Variants in MLLT3 observed in about 807,000 individuals in gnomAD.
The protein encoded by MLLT3 is protein AF-9.
MLLT3 carries 4 observed loss-of-function variants against 53.2 expected under a neutral mutation model. The observed-to-expected ratio is 0.08, with a 90% confidence interval of 0.04 to 0.17. The LOEUF (loss-of-function observed/expected upper bound fraction) is 0.17. Ranked by LOEUF, MLLT3 falls within the 10% of genes least tolerant of loss-of-function variation. The pLI is 1.00. For missense variants in MLLT3, 569 were observed against 684.0 expected (o/e 0.83, Z 1.87); for synonymous variants, 283 against 230.6 (o/e 1.23, Z -2.06).
At chr9:20,447,055 T>C (rs745708108) in intron 4 of MLLT3, among the ~76,000 whole-genome samples, 1 of 152,108 alleles carries the variant, frequency 6.6e-6, no homozygotes, top group Non-Finnish European at 1.5e-5. Context: ...ACTCAAAAAA[T>C]GGGGTCCACA....
intron 2 of MLLT3, among the ~76,000 whole-genome samples, chr9:20,518,538 G>A (rs564742746): frequency 2.0e-5 from 3 of 152,154 alleles, no homozygotes; most frequent in Non-Finnish European, 2.9e-5. Flanking sequence ...AAGATATCAC[G>A]CAATCTCAAA....
chr9:20,493,558 C>A (rs946493040), intron 2 of MLLT3, among the ~76,000 whole-genome samples: 1 of 151,950 alleles, frequency 6.6e-6, no homozygotes, highest in African/African-American at 2.4e-5. Context: ...AAAAGCATTA[C>A]ACATAGATGC....
intron 2 of MLLT3, among the ~76,000 whole-genome samples, chr9:20,560,111 T>C (rs1325990754): frequency 6.6e-6 from 1 of 152,178 alleles, no homozygotes; most frequent in Non-Finnish European, 1.5e-5. Context: ...TATTGTGAAG[T>C]TGACATAGAA....
intron 2 of MLLT3, among the ~76,000 whole-genome samples, chr9:20,460,280 T>C (rs1401109619): frequency 2.0e-5 from 3 of 152,170 alleles, no homozygotes; most frequent in African/African-American, 7.2e-5. Flanking sequence ...AATCAGATCA[T>C]CCTTAAGCTC....
chr9:20,499,751 T>C (rs1357345390), intron 2 of MLLT3, among the ~76,000 whole-genome samples: 1 of 152,206 alleles, frequency 6.6e-6, no homozygotes, highest in African/African-American at 2.4e-5. Flanking sequence ...GACTGTTTCT[T>C]TTAAGATCTC....
chr9:20,615,109 C>T (rs1820793477), intron 2 of MLLT3, among the ~76,000 whole-genome samples: 1 of 151,928 alleles, frequency 6.6e-6, no homozygotes, highest in Non-Finnish European at 1.5e-5. Flanking sequence ...TTTGGGAGAT[C>T]GAGGCTGGTG....
chr9:20,565,173 G>A lies in MLLT3; in HGVS notation c.193+55481C>T, dbSNP rs141388218. 2.6e-3 allele frequency among the ~76,000 whole-genome samples: 388 copies of A among 151,230 alleles called. 1 individual carries two copies. Among genetic ancestry groups the A allele is most frequent in the African/African-American group, 9.0e-3 (370 of 41,112 alleles). On this transcript the variant is annotated intron_variant, in intron 2 of 10. Transcript: ENST00000380338. ...AGTATTTAGTTTTCTCCCACCAATT[G>A]GAGGAATAAAAGGATGCCCCACTGA...
chr9:20,522,147 C>T (rs1587021489), intron 2 of MLLT3, among the ~76,000 whole-genome samples: 1 of 151,454 alleles, frequency 6.6e-6, no homozygotes, highest in Admixed American at 6.6e-5. Flanking sequence ...AAGAAAGATT[C>T]CCACTACCAG....
chr9:20,607,871 T>C (rs1563841668), intron 2 of MLLT3, among the ~76,000 whole-genome samples: 1 of 152,020 alleles, frequency 6.6e-6, no homozygotes, highest in Non-Finnish European at 1.5e-5. Context: ...CATTTTTAGT[T>C]ATGCTTAAGG....
At chr9:20,432,949 T>C (rs1363067249) in intron 4 of MLLT3, among the ~76,000 whole-genome samples, 2 of 152,150 alleles carry the variant, frequency 1.3e-5, no homozygotes, top group African/African-American at 4.8e-5. Context: ...TATACATTTA[T>C]TGAGTATTTA....
intron 5 of MLLT3, among the ~76,000 whole-genome samples, chr9:20,369,206 T>A (rs1431390747): frequency 2.6e-5 from 4 of 152,122 alleles, no homozygotes; most frequent in African/African-American, 9.7e-5. Context: ...CTCAACAGAA[T>A]TAGCTGGGAG....
intron 2 of MLLT3, among the ~76,000 whole-genome samples, chr9:20,496,608 T>C (rs542479717): frequency 6.6e-6 from 1 of 152,286 alleles, no homozygotes; most frequent in East Asian, 1.9e-4. Flanking sequence ...TAGCAGGATG[T>C]TGTGGTTTGT....
At chr9:20,401,011 G>C (rs1432048116) in intron 5 of MLLT3, among the ~76,000 whole-genome samples, 1 of 152,164 alleles carries the variant, frequency 6.6e-6, no homozygotes, top group Non-Finnish European at 1.5e-5. Context: ...TTGAGTTAAT[G>C]TGATAAGAAT....
chr9:20,617,676 A>T (rs73434594), intron 2 of MLLT3, among the ~76,000 whole-genome samples: 4,169 of 152,270 alleles, frequency 0.027, 209 homozygotes, highest in African/African-American at 0.094. Context: ...TAAATAGTTT[A>T]AAAATGCATC....
intron 2 of MLLT3, among the ~76,000 whole-genome samples, chr9:20,529,695 A>G (rs1304418084): frequency 6.6e-6 from 1 of 151,252 alleles, no homozygotes; most frequent in Non-Finnish European, 1.5e-5. Context: ...AACAAAATTC[A>G]GAGACTAGAA....
intron 2 of MLLT3, chr9:20,532,521 G>GTCA (rs1818370146): frequency 4.9e-6 from 1 of 202,104 alleles, no homozygotes; most frequent in East Asian, 1.2e-4. Flanking sequence ...TTAAGAAAAT[G>GTCA]TCATCTTGCT....
In MLLT3 at chr9:20,488,535, T is replaced by C. The variant is rs148127214; in HGVS notation, c.194-31749A>G. Among the ~76,000 whole-genome samples the C allele has an allele frequency of 3.9e-3, 593 of 152,308 alleles. 6 individuals are homozygous for C. The highest frequency in any genetic ancestry group is 0.014 in the Middle Eastern group (4 of 294). On this transcript the variant is annotated intron_variant, in intron 2 of 10. Transcript: ENST00000380338. ...AATCATTTCCCTGATTACAGACTAATGACATCAGTAAGAATGACAATTTTC... is the reference window on the plus strand; with the variant it reads ...AATCATTTCCCTGATTACAGACTAACGACATCAGTAAGAATGACAATTTTC...
At chr9:20,496,584 CA>C (rs1486255848) in intron 2 of MLLT3, among the ~76,000 whole-genome samples, 6 of 152,106 alleles carry the variant, frequency 3.9e-5, no homozygotes, top group Admixed American at 3.9e-4. Context: ...ACTACAATTA[CA>C]AAGCTCATTA....
At chr9:20,516,068 G>C (rs1817905578) in intron 2 of MLLT3, among the ~76,000 whole-genome samples, 1 of 152,140 alleles carries the variant, frequency 6.6e-6, no homozygotes, top group South Asian at 2.1e-4. Context: ...GAGATATCTA[G>C]ATGTCAGCCA....
Sources: gnomAD v4.1 joint callset for allele counts (sites outside exome capture counted in the v4.1 genomes callset) on GRCh38, gnomAD v4.1.1 for gene constraint, MANE v1.5 for transcripts, NCBI Gene and HGNC (gene_info 2026-07-23, HGNC 2026-07-21) for gene names.